The following DGLUCY variants were observed in gnomAD, a reference collection of about 807,000 sequenced individuals.
DGLUCY encodes the protein D-glutamate cyclase.
In DGLUCY, 58 loss-of-function variants were observed where a neutral mutation model predicts 58.5. The ratio of observed to expected loss-of-function variants is 0.99; its 90% CI spans 0.80 to 1.23. DGLUCY has a LOEUF of 1.23. DGLUCY is among the 50% of genes most tolerant of loss of function. DGLUCY has a pLI of 0.00. For synonymous variants in DGLUCY, 325 were observed against 314.1 expected, an observed-to-expected ratio of 1.03 and a Z score of -0.37; for missense variants, 779 against 784.7, an observed-to-expected ratio of 0.99 and a Z score of 0.09.
chr14:91,072,592 A>G (rs1334591650), intron 1 of DGLUCY, among the ~76,000 whole-genome samples: 1 of 151,938 alleles, frequency 6.6e-6, no homozygotes, highest in Non-Finnish European at 1.5e-5. Flanking sequence ...CTGCATGCCC[A>G]AATTCAGATG....
intron 1 of DGLUCY, among the ~76,000 whole-genome samples, chr14:91,092,440 T>G (rs2044327765): frequency 1.3e-5 from 2 of 152,234 alleles, no homozygotes; most frequent in Admixed American, 1.3e-4. Context: ...TTCTCAAATA[T>G]GAAGATCTCC....
intron 12 of DGLUCY, among the ~76,000 whole-genome samples, chr14:91,209,576 C>T (rs1263369760): frequency 3.3e-5 from 5 of 152,050 alleles, no homozygotes; most frequent in African/African-American, 9.7e-5. Context: ...GGCGTGGTGG[C>T]GGGCACCTGT....
intron 10 of DGLUCY, 67 bp downstream of exon 10, chr14:91,196,541 A>G: frequency 7.4e-7 from 1 of 1,351,976 alleles, no homozygotes; most frequent in Non-Finnish European, 1.0e-6. Context: ...TCACTTAGCC[A>G]ACAAAGTGTC....
intron 1 of DGLUCY, among the ~76,000 whole-genome samples, chr14:91,130,205 G>T (rs1048345068): frequency 6.6e-6 from 1 of 151,994 alleles, no homozygotes; most frequent in Non-Finnish European, 1.5e-5. Context: ...CATTCTTGTC[G>T]ATTTTAATTT....
intron 1 of DGLUCY, among the ~76,000 whole-genome samples, chr14:91,062,703 T>C (rs543232067): frequency 4.1e-4 from 62 of 150,858 alleles, no homozygotes; most frequent in African/African-American, 1.4e-3. Flanking sequence ...ATTCGACTGC[T>C]GTGAAAGACA....
intron 5 of DGLUCY, among the ~76,000 whole-genome samples, chr14:91,171,087 G>A (rs574451150): frequency 1.3e-5 from 2 of 152,190 alleles, no homozygotes; most frequent in Non-Finnish European, 2.9e-5. Context: ...ACCCATGGCA[G>A]TCTCTGGCTC....
intron 1 of DGLUCY, among the ~76,000 whole-genome samples, chr14:91,152,267 C>T (rs2047377722): frequency 6.6e-6 from 1 of 152,026 alleles, no homozygotes; most frequent in African/African-American, 2.4e-5. Context: ...GTGGTGCATG[C>T]CTGTGGTGGT....
At chr14:91,207,385 G>A (rs1162412288) in intron 12 of DGLUCY, among the ~76,000 whole-genome samples, 2 of 152,006 alleles carry the variant, frequency 1.3e-5, no homozygotes, top group Non-Finnish European at 2.9e-5. Context: ...AGAACTGTGG[G>A]ACAACTACAA....
In DGLUCY at chr14:91,175,996, G is replaced by A; in HGVS notation, c.670G>A (p.Gly224Arg). ...AYGDAMVCPP[G>R]EVPVFWPSPL... The stretch of plus-strand genomic sequence containing the variant: ...CGGGGATGCCATGGTGTGTCCCCCA[G>A]GGGAGGTTCCAGTGTTCTGGCCTTC... The change falls in exon 7 of 14, where the codon GGG (glycine) becomes AGG (arginine). Residue 224 changes from glycine to arginine, a missense_variant. Gly to Arg is a moderately radical substitution (Grantham distance 125). Coordinates refer to ENST00000256324, the MANE Select transcript of DGLUCY (RefSeq NM_001102368.3). 1 of 1,614,054 alleles carries A rather than the reference G, an allele frequency of 6.2e-7. No individual in the cohort carries two copies.
At chr14:91,088,823 G>A in intron 1 of DGLUCY, among the ~76,000 whole-genome samples, 1 of 152,208 alleles carries the variant, frequency 6.6e-6, no homozygotes, top group Non-Finnish European at 1.5e-5. Flanking sequence ...GAAGCCACAT[G>A]TATTCTGGGA....
intron 13 of DGLUCY, among the ~76,000 whole-genome samples, chr14:91,217,592 C>CTCCT (rs1886773245): frequency 6.6e-6 from 1 of 151,392 alleles, no homozygotes; most frequent in Non-Finnish European, 1.5e-5. Context: ...TCAAGCAACT[C>CTCCT]TCCTGCCTTA....
chr14:91,126,977 C>T (rs2045726844), intron 1 of DGLUCY, among the ~76,000 whole-genome samples: 1 of 151,730 alleles, frequency 6.6e-6, no homozygotes, highest in Admixed American at 6.6e-5. Flanking sequence ...TGCAACACCC[C>T]AGTGTGGTAC....
rs115077193 is a variant in DGLUCY, at chr14:91,189,133, C to T, written c.1158C>T (p.Asn386=). 2.7e-5 allele frequency: 43 copies of T among 1,614,216 alleles called. No individual in the cohort carries two copies. The East Asian group carries it at 8.7e-4, about 33-fold the overall frequency. ...TAATCGTTGACCAGAGAGCCTGGAACTTGCACCAGAAGATTGTTGAAGATG... is the reference window on the plus strand; with the variant it reads ...TAATCGTTGACCAGAGAGCCTGGAATTTGCACCAGAAGATTGTTGAAGATG... The part of the protein sequence containing the change: ...VAIIVDQRAW[N]LHQKIVEDAV... Residue 386 remains asparagine, a synonymous_variant, in exon 9 of 14, where the codon AAC becomes AAT. Coordinates refer to ENST00000256324, the MANE Select transcript of DGLUCY (RefSeq NM_001102368.3).
rs1887972076 is a variant in DGLUCY, at chr14:91,224,676, T to C, written c.1717-8T>C. The C allele has an allele frequency of 3.1e-6, 5 of 1,588,320 alleles. No individual in the cohort carries two copies. Among genetic ancestry groups the C allele is most frequent in the Non-Finnish European group, 4.3e-6 (5 of 1,160,528 alleles). The stretch of plus-strand genomic sequence containing the variant: ...CACTCCTTCTATTTCTGCCCTATTT[T>C]TTTCCAGGAAGAAAAAATGCTGGGC... On this transcript the variant is annotated splice_region_variant and splice_polypyrimidine_tract_variant and intron_variant, in intron 13 of 13. Transcript: ENST00000256324.
At chr14:91,111,198 ATATATGTGTGTGTGTG>A (rs2044688038), upstream of DGLUCY, among the ~76,000 whole-genome samples, 1 of 32,648 alleles carries the variant, frequency 3.1e-5, no homozygotes, top group Non-Finnish European at 8.1e-5. Context: ...TTTTATTTAT[ATATATGTGTGTGTGTG>A]TGTGTGTGTG....
chr14:91,179,834 T>C (rs1234690681), intron 7 of DGLUCY, among the ~76,000 whole-genome samples: 2 of 151,744 alleles, frequency 1.3e-5, no homozygotes, highest in African/African-American at 4.8e-5. Flanking sequence ...GAACACTTTC[T>C]TAAAAATTTA....
intron 1 of DGLUCY, among the ~76,000 whole-genome samples, chr14:91,139,934 T>C (rs2046555902): frequency 6.6e-6 from 1 of 152,168 alleles, no homozygotes. Context: ...GAGGCTGTGG[T>C]CACATGACTG....
chr14:91,159,158 C>G (rs2047834939), intron 2 of DGLUCY, among the ~76,000 whole-genome samples: 1 of 139,992 alleles, frequency 7.1e-6, no homozygotes, highest in African/African-American at 2.5e-5. Flanking sequence ...TAGCATAAGT[C>G]AATTTAGGCC....
At chr14:91,195,940 A>G (rs968813501) in intron 9 of DGLUCY, among the ~76,000 whole-genome samples, 5 of 152,024 alleles carry the variant, frequency 3.3e-5, no homozygotes, top group Middle Eastern at 3.2e-3. Context: ...AAAGTGCTGG[A>G]ATTACAGGCA....
Sources: allele counts gnomAD v4.1 joint callset (sites outside exome capture counted in the v4.1 genomes callset), GRCh38; gene constraint gnomAD v4.1.1; transcripts MANE v1.5; gene names NCBI Gene and HGNC (gene_info 2026-07-23, HGNC 2026-07-21).